Variants in JAG2 observed in about 807,000 individuals in gnomAD.
The protein encoded by JAG2 is protein jagged-2.
JAG2 carries 46 observed loss-of-function variants against 141.7 expected under a neutral mutation model. That is an observed-to-expected ratio of 0.32 (90% confidence interval 0.26 to 0.42). The LOEUF is 0.42. JAG2 is among the 10% of genes least tolerant of loss of function. JAG2 has a pLI of 1.00. For missense variants in JAG2, 1,500 were observed against 1,817.5 expected (o/e 0.83, Z 3.18); for synonymous variants, 862 against 763.5 (o/e 1.13, Z -2.13).
At position 105,149,273 on chromosome 14, in the gene JAG2, G is replaced by C; in HGVS notation, c.1650C>G (p.Arg550=). ...CEPSPCRNGA[R]CYNLEGDYYC... ...AATAGTCACCCTCCAGGTTATAGCA[G>C]CGAGCGCCGTTCCGGCAGGGGCTTG... The change falls in exon 13 of 26, where the codon CGC becomes CGG. Residue 550 remains arginine, a synonymous_variant. Transcript: ENST00000331782. 1 of 1,612,732 alleles carries C rather than the reference G, an allele frequency of 6.2e-7. No homozygotes were observed. The highest frequency in any genetic ancestry group is 8.5e-7 in the Non-Finnish European group (1 of 1,179,982).
rs745587713 is a variant in JAG2, at chr14:105,150,809, G to A, written c.1429-32C>T. On this transcript the variant is annotated intron_variant, in intron 11 of 25. Coordinates refer to ENST00000331782, the MANE Select transcript of JAG2 (RefSeq NM_002226.5). ...GGGCCAGCCAGGTGAGCGTCCCGCA[G>A]GCACCCTGACGGCCCCGCAGCACCC... is the stretch of plus-strand genomic sequence containing the variant. The A allele has an allele frequency of 2.5e-6, 4 of 1,576,940 alleles. No individual in the cohort carries two copies. The African/African-American group carries it at 4.0e-5, about 16-fold the overall frequency.
intron 18 of JAG2, 101 bp from the exon 19 acceptor site, chr14:105,147,628 A>C: frequency 1.8e-6 from 2 of 1,138,350 alleles, no homozygotes; most frequent in Non-Finnish European, 2.6e-6. Flanking sequence ...GGGGCTGGGG[A>C]GGGTCATCAA....
rs1384878053 is a variant in JAG2 at position 105,145,818 on chromosome 14, C to A, written c.2865G>T (p.Pro955=). The change falls in exon 23 of 26, where the codon CCG becomes CCT. Residue 955 remains proline, a synonymous_variant. Coordinates refer to ENST00000331782, the MANE Select transcript of JAG2 (RefSeq NM_002226.5). ...CGGAGCGTGGCAGGCAGGGGGTGCT[C>A]GGTGGCTCTTCTGCGCCGCACTCCC... is the stretch of plus-strand genomic sequence containing the variant. ...AWGECGAEEP[P]STPCLPRSGH... The A allele has an allele frequency of 3.2e-6, 5 of 1,566,496 alleles. No homozygotes were observed. The highest frequency in any genetic ancestry group is 4.3e-6 in the Non-Finnish European group (5 of 1,156,544).
At chr14:105,168,158 G>T (rs773329200) in intron 1 of JAG2, 51 bp from the exon 2 acceptor site, 2 of 1,414,950 alleles carry the variant, frequency 1.4e-6, no homozygotes, top group Non-Finnish European at 1.8e-6. Flanking sequence ...CGGGGTCGGC[G>T]GGCCGGGCGC....
chr14:105,148,872 C>T lies in JAG2; in HGVS notation c.1907-14G>A, dbSNP rs374705973. On this transcript the variant is annotated splice_polypyrimidine_tract_variant and intron_variant, in intron 14 of 25. Transcript: ENST00000331782. ...AGTCGTCAATGTCTGCAGAGGCGAG[C>T]GGGGTGAGCCAGGGCCTCAGGCCAG... 9.8e-5 allele frequency: 156 copies of T among 1,586,900 alleles called. No individual in the cohort carries two copies. Among genetic ancestry groups the T allele is most frequent in the Middle Eastern group, 1.7e-4 (1 of 6,020 alleles).
rs1888534389 is a variant in JAG2 at position 105,154,907 on chromosome 14, T to C, written c.788+655A>G. 6.6e-6 allele frequency among the ~76,000 whole-genome samples: 1 copy of C among 151,422 alleles called. No individual in the cohort carries two copies. Among genetic ancestry groups the C allele is most frequent in the Non-Finnish European group, 1.5e-5 (1 of 67,882 alleles). On this transcript the variant is annotated intron_variant, in intron 5 of 25. Transcript: ENST00000331782. The surrounding 1 kb of genome is among the most constrained non-coding windows in gnomAD (Gnocchi z 4.4). ...CACCCTTCCTGCTTGATCAAATCCA[T>C]CCACAAACCCCTGGGCTCCACCCCA... is the stretch of plus-strand genomic sequence containing the variant.
At chr14:105,168,194 G>T in intron 1 of JAG2, 87 bp from the exon 2 acceptor site, 2 of 1,057,820 alleles carry the variant, frequency 1.9e-6, no homozygotes, top group Non-Finnish European at 2.4e-6. Flanking sequence ...AGGCCCCGCC[G>T]CCCCGCCCCC....
chr14:105,156,928 C>T (rs1309974867), intron 3 of JAG2, among the ~76,000 whole-genome samples: 1 of 152,146 alleles, frequency 6.6e-6, no homozygotes, highest in Non-Finnish European at 1.5e-5. Context: ...ACCGCCGTCC[C>T]TGCCCTGAAA....
Position 105,147,389 on chromosome 14 carries a change from C to A in JAG2, c.2416G>T (p.Asp806Tyr). The part of the protein sequence containing the change: ...LPCYNGGICV[D>Y]GVNWFRCECA... ...TCGCAGCGGAACCAGTTGACGCCGT[C>A]AACACAGATGCCACCATTGTAGCTG... Residue 806 changes from aspartate (D) to tyrosine (Y), a missense_variant, in exon 20 of 26, where the codon GAC becomes TAC. By Grantham distance (160) the Asp-to-Tyr change is radical. Around this residue, in one of 3 missense-constraint regions of JAG2, gnomAD observed 875 missense variants for 1,202.2 expected, o/e 0.73. Transcript: ENST00000331782. 1 of 1,605,338 alleles carries A rather than the reference C, an allele frequency of 6.2e-7. No individual in the cohort carries two copies. Among genetic ancestry groups the A allele is most frequent in the South Asian group, 1.1e-5 (1 of 89,730 alleles).
intron 15 of JAG2, 88 bp from the exon 16 acceptor site, chr14:105,148,527 G>C: frequency 9.7e-7 from 1 of 1,031,590 alleles, no homozygotes; most frequent in Non-Finnish European, 1.4e-6. Context: ...AGCTGGGCCA[G>C]GTGAGGACAG....
chr14:105,167,794 G>A lies in JAG2; in HGVS notation c.380C>T (p.Pro127Leu), dbSNP rs2141000012. 1 of 1,464,570 alleles carries A rather than the reference G, an allele frequency of 6.8e-7. No homozygotes were observed. Among genetic ancestry groups the A allele is most frequent in the Non-Finnish European group, 9.0e-7 (1 of 1,110,792 alleles). The allele number at this position is 1,464,570 out of a possible 1,614,324, so 90.7% of individuals were successfully genotyped here. A position where few individuals can be genotyped will look rare whatever the true frequency, so the allele number is the denominator to read the frequency against. Residue 127 changes from proline (P) to leucine (L), a missense_variant, in exon 2 of 26, where the codon CCG becomes CTG. Physicochemically the swap from Pro to Leu is moderately conservative, Grantham distance 98. Transcript: ENST00000331782. This position sits in a 1 kb window ranked among gnomAD's most constrained non-coding sequence, Gnocchi z 4.8. Reference sequence around the variant, plus strand: ...CTGGAAGGGGATGACGACGAGGCCCGGGTCCTGGTCGCCGCCGGCCCGGGC... The same window carrying A: ...CTGGAAGGGGATGACGACGAGGCCCAGGTCCTGGTCGCCGCCGGCCCGGGC... ...ARARAGGDQD[P>L]GLVVIPFQFA...
At position 105,151,671 on chromosome 14, in the gene JAG2, C is replaced by T. The variant is rs1378590783; in HGVS notation, c.1108G>A (p.Glu370Lys). 5.0e-6 allele frequency: 8 copies of T among 1,610,900 alleles called. No homozygotes were observed. Among genetic ancestry groups the T allele is most frequent in the Admixed American group, 1.7e-5 (1 of 59,720 alleles). ...GSCHEVPSGF[E>K]CHCPSGWSGP... ...CTCCAGCCCGATGGGCAGTGGCATT[C>T]GAAGCCGGACGGCACCTCATGGCAA... The change falls in exon 8 of 26, where the codon GAA becomes AAA. Residue 370 changes from glutamate (E) to lysine (K), a missense_variant. By Grantham distance (56) the Glu-to-Lys change is moderately conservative. Around this residue, in one of 3 missense-constraint regions of JAG2, gnomAD observed 875 missense variants for 1,202.2 expected, o/e 0.73. Transcript: ENST00000331782.
At chr14:105,146,346 G>C in intron 22 of JAG2, 39 bp downstream of exon 22, 1 of 1,553,680 alleles carries the variant, frequency 6.4e-7, no homozygotes, top group Non-Finnish European at 8.9e-7. Flanking sequence ...GCGTGCACCA[G>C]CCTCGGGTAG....
intron 7 of JAG2, 86 bp downstream of exon 7, chr14:105,151,852 G>C (rs1888442784): frequency 6.2e-7 from 1 of 1,608,058 alleles, no homozygotes; most frequent in Non-Finnish European, 8.5e-7. Flanking sequence ...CCACCACACA[G>C]GACGCCAGAG....
intron 5 of JAG2, among the ~76,000 whole-genome samples, chr14:105,153,050 G>C (rs1888482880): frequency 6.6e-6 from 1 of 152,004 alleles, no homozygotes; most frequent in South Asian, 2.1e-4. Flanking sequence ...AGCCTGCAAC[G>C]ACCCCAAGGC....
At chr14:105,159,026 C>T (rs923284277) in intron 2 of JAG2, among the ~76,000 whole-genome samples, 2 of 152,144 alleles carry the variant, frequency 1.3e-5, no homozygotes, top group South Asian at 2.1e-4. Context: ...TAAGGACAGG[C>T]CTGGCCTCCC....
chr14:105,158,417 G>A (rs1196516295), intron 2 of JAG2, among the ~76,000 whole-genome samples: 2 of 152,160 alleles, frequency 1.3e-5, no homozygotes, highest in Non-Finnish European at 2.9e-5. Flanking sequence ...GAGGCCAAGA[G>A]GTCCTGGGAC....
intron 8 of JAG2, 82 bp downstream of exon 8, chr14:105,151,544 A>T: frequency 7.4e-7 from 1 of 1,354,316 alleles, no homozygotes; most frequent in Non-Finnish European, 1.0e-6. Context: ...TGACCACTGC[A>T]CCCCATCCCC....
At chr14:105,148,062 G>A (rs1289521825) in intron 17 of JAG2, 54 bp downstream of exon 17, 49 of 1,421,108 alleles carry the variant, frequency 3.4e-5, no homozygotes, top group Middle Eastern at 4.7e-4. Context: ...CCGAGGGAGC[G>A]GTGCCTGGGA....
Sources: allele counts gnomAD v4.1 joint callset (sites outside exome capture counted in the v4.1 genomes callset), GRCh38; gene constraint gnomAD v4.1.1; regional missense constraint gnomAD v4.1.1; non-coding constraint Gnocchi (gnomAD v3.1); transcripts MANE v1.5; gene names NCBI Gene and HGNC (gene_info 2026-07-23, HGNC 2026-07-21).